DST: variants seen among roughly 807,000 people sequenced by gnomAD.
DST encodes the protein bullous pemphigoid antigen.
In DST, 253 loss-of-function variants were observed where a neutral mutation model predicts 875.2. The ratio of observed to expected loss-of-function variants is 0.29; its 90% CI spans 0.26 to 0.32. The LOEUF (loss-of-function observed/expected upper bound fraction) is 0.32. Ranked by LOEUF, DST falls within the 10% of genes least tolerant of loss-of-function variation. DST has a pLI of 1.00. For missense variants in DST, 8,287 were observed against 9,111.6 expected, an observed-to-expected ratio of 0.91 and a Z score of 3.68; for synonymous variants, 3,124 against 3,197.1, an observed-to-expected ratio of 0.98 and a Z score of 0.77.
intron 4 of DST, chr6:56,851,029 G>T: frequency 4.4e-6 from 1 of 228,124 alleles, no homozygotes; most frequent in Non-Finnish European, 8.7e-6. Context: ...GAAAATAAAG[G>T]CTGCTCACTT....
chr6:56,675,767 A>G (rs2152835002), intron 9 of DST, among the ~76,000 whole-genome samples: 1 of 152,126 alleles, frequency 6.6e-6, no homozygotes, highest in Admixed American at 6.5e-5. Flanking sequence ...TAGGGGAACC[A>G]CTTGAACCCA....
chr6:56,508,473 G>T, intron 75 of DST, 56 bp downstream of exon 75: 1 of 1,392,324 alleles, frequency 7.2e-7, no homozygotes, highest in Non-Finnish European at 1.0e-6. Flanking sequence ...CAAGGAATCT[G>T]GATTTCATTA....
intron 4 of DST, among the ~76,000 whole-genome samples, chr6:56,807,169 G>A (rs1027543208): frequency 1.3e-5 from 2 of 152,242 alleles, no homozygotes; most frequent in African/African-American, 2.4e-5. Flanking sequence ...CCCCATGTCA[G>A]CCTCCCAAGT....
chr6:56,640,324 A>G lies in DST; in HGVS notation c.2309T>C (p.Phe770Ser). ...PSVTPAYTPG[F>S]PSGLVPNFSS... ...GAAATTTGGAACTAATCCTGATGGG[A>G]AACCAGGTGTATAAGCTGGAGTGAC... The change falls in exon 18 of 104, where the codon TTC becomes TCC. Residue 770 changes from phenylalanine (F) to serine (S), a missense_variant. Phe to Ser is a radical substitution (Grantham distance 155). Around this residue, in one of 10 missense-constraint regions of DST, gnomAD observed 1,160 missense variants for 1,424.3 expected, o/e 0.81. Transcript: ENST00000680361. The G allele has an allele frequency of 2.5e-6, 4 of 1,614,198 alleles. No homozygotes were observed. Among genetic ancestry groups the G allele is most frequent in the Non-Finnish European group, 3.4e-6 (4 of 1,180,028 alleles).
rs1192245575 is a variant in DST, at chr6:56,611,575, TTGA to T, written c.5077_5079del (p.Ser1693del). On this transcript the variant is annotated inframe_deletion, in exon 38 of 104. Coordinates refer to ENST00000680361, the MANE Select transcript of DST (RefSeq NM_001374736.1). Reference sequence around the variant, plus strand: ...GCTTCCGATAATTGTTCCTTCTTGGTTGATATTTCCTCACTGGAAATCTGTAAG... The same window carrying T: ...GCTTCCGATAATTGTTCCTTCTTGGTTATTTCCTCACTGGAAATCTGTAAG... The T allele has an allele frequency of 1.9e-6, 3 of 1,612,626 alleles. No individual in the cohort carries two copies. The highest frequency in any genetic ancestry group is 1.6e-4 in the Middle Eastern group (1 of 6,070).
chr6:56,680,079 T>C (rs1017484109), intron 9 of DST, among the ~76,000 whole-genome samples: 7 of 152,152 alleles, frequency 4.6e-5, no homozygotes, highest in Non-Finnish European at 8.8e-5. Flanking sequence ...AAAATAATCT[T>C]CATGAACTCA....
chr6:56,633,278 G>A (rs1177025973), intron 27 of DST, among the ~76,000 whole-genome samples: 1 of 144,422 alleles, frequency 6.9e-6, no homozygotes, highest in Non-Finnish European at 1.5e-5. Flanking sequence ...CCAGGCTGGA[G>A]TGCAGTGGCG....
chr6:56,505,687 G>A (rs2152466675), intron 77 of DST, among the ~76,000 whole-genome samples: 1 of 152,148 alleles, frequency 6.6e-6, no homozygotes, highest in South Asian at 2.1e-4. Flanking sequence ...TTCACTTAGT[G>A]TTATGGAAAT....
intron 10 of DST, among the ~76,000 whole-genome samples, chr6:56,655,014 A>C (rs962426464): frequency 7.2e-5 from 11 of 152,094 alleles, no homozygotes; most frequent in Admixed American, 7.2e-4. Flanking sequence ...TACAAAACTT[A>C]GCCAGGCATG....
chr6:56,638,323 C>G (rs1360047826), intron 22 of DST, among the ~76,000 whole-genome samples: 1 of 152,078 alleles, frequency 6.6e-6, no homozygotes, highest in African/African-American at 2.4e-5. Context: ...ACGTTTTTAA[C>G]ATTCATATGT....
chr6:56,801,290 C>T (rs1285729486), intron 4 of DST, among the ~76,000 whole-genome samples: 1 of 152,164 alleles, frequency 6.6e-6, no homozygotes, highest in South Asian at 2.1e-4. Flanking sequence ...TTCACTTACA[C>T]TCAGGAGATA....
At chr6:56,672,453 A>G (rs1175516789) in intron 9 of DST, among the ~76,000 whole-genome samples, 4 of 152,244 alleles carry the variant, frequency 2.6e-5, no homozygotes, top group Middle Eastern at 3.2e-3. Flanking sequence ...AACTCTGCAC[A>G]TGAACACATC....
At position 56,552,221 on chromosome 6, in the gene DST, T is replaced by C. The variant is rs2152554783; in HGVS notation, c.16571A>G (p.Glu5524Gly). The C allele has an allele frequency of 1.2e-6, 2 of 1,613,556 alleles. No homozygotes were observed. The highest frequency in any genetic ancestry group is 2.2e-5 in the East Asian group (1 of 44,880). ...AAGCTGCTGATTAATTGTCTCCGTTTCCATACCAACAGGACCTTGTGACTC... is the reference window on the plus strand; with the variant it reads ...AAGCTGCTGATTAATTGTCTCCGTTCCCATACCAACAGGACCTTGTGACTC... The part of the protein sequence containing the change: ...HEESQGPVGM[E>G]TETINQQLNM... Residue 5524 changes from glutamate (E) to glycine (G), a missense_variant, in exon 61 of 104, where the codon GAA becomes GGA. Physicochemically the swap from Glu to Gly is moderately conservative, Grantham distance 98 (BLOSUM62 -2). Coordinates refer to ENST00000680361, the MANE Select transcript of DST (RefSeq NM_001374736.1).
rs755057348 is a variant in DST at position 56,639,902 on chromosome 6, A to G, written c.2619+27T>C. ...CAAAACAAGAGTAAACTAAAATGAAATATATACAAATTTTAAATTCACATA... is the reference window on the plus strand; with the variant it reads ...CAAAACAAGAGTAAACTAAAATGAAGTATATACAAATTTTAAATTCACATA... On this transcript the variant is annotated intron_variant, in intron 19 of 103. Transcript: ENST00000680361. 1.9e-6 allele frequency: 3 copies of G among 1,607,444 alleles called. No homozygotes were observed. The South Asian group carries it at 3.3e-5, about 18-fold the overall frequency.
chr6:56,908,852 T>A (rs1247664004), intron 2 of DST, among the ~76,000 whole-genome samples: 1 of 152,164 alleles, frequency 6.6e-6, no homozygotes, highest in Non-Finnish European at 1.5e-5. Context: ...AGTTTACAGA[T>A]CCCATGGCAA....
At chr6:56,950,116 C>T (rs1821598075) in intron 2 of DST, among the ~76,000 whole-genome samples, 1 of 152,158 alleles carries the variant, frequency 6.6e-6, no homozygotes, top group Non-Finnish European at 1.5e-5. Context: ...ACAGACAATA[C>T]GTAGCCAGAT....
chr6:56,925,900 A>G (rs1806807240), intron 2 of DST, among the ~76,000 whole-genome samples: 1 of 152,194 alleles, frequency 6.6e-6, no homozygotes, highest in Non-Finnish European at 1.5e-5. Context: ...GATGCAGGAA[A>G]AATAAACCAA....
chr6:56,466,350 T>C (rs755323265), intron 98 of DST, 155 bp from the exon 99 acceptor site: 3 of 479,038 alleles, frequency 6.3e-6, no homozygotes, highest in Non-Finnish European at 7.3e-6. Context: ...TTGTAATGAT[T>C]TGTGTTAGAC....
chr6:56,827,132 C>G (rs2099781489), intron 4 of DST, among the ~76,000 whole-genome samples: 1 of 152,110 alleles, frequency 6.6e-6, no homozygotes, highest in Non-Finnish European at 1.5e-5. Context: ...TCCAAACGAC[C>G]AACTTATAAC....
Sources: gnomAD v4.1 joint callset for allele counts (sites outside exome capture counted in the v4.1 genomes callset) on GRCh38, gnomAD v4.1.1 for gene constraint, gnomAD v4.1.1 regional missense constraint, MANE v1.5 for transcripts, NCBI Gene and HGNC (gene_info 2026-07-23, HGNC 2026-07-21) for gene names.